Variants in CDK14 observed in about 807,000 individuals in gnomAD.
CDK14 encodes the protein cyclin dependent kinase 14.
A neutral mutation model predicts 60.7 loss-of-function variants in CDK14; 34 were observed. The observed-to-expected ratio is 0.56, with a 90% confidence interval of 0.43 to 0.75. CDK14 has a LOEUF of 0.75. CDK14 is among the 30% of genes least tolerant of loss of function. The pLI is 0.00. For synonymous variants in CDK14, 197 were observed against 203.7 expected, an observed-to-expected ratio of 0.97 and a Z score of 0.28; for missense variants, 482 against 564.1, an observed-to-expected ratio of 0.85 and a Z score of 1.47.
intron 12 of CDK14, among the ~76,000 whole-genome samples, chr7:91,096,619 C>T (rs1799000712): frequency 6.6e-6 from 1 of 152,054 alleles, no homozygotes; most frequent in Non-Finnish European, 1.5e-5. Context: ...TTACAGCTAT[C>T]CTCATGGGTA....
chr7:90,676,120 ACACAAATCCCTGCTTT>A lies in CDK14; in HGVS notation c.124-50441_124-50426del, dbSNP rs1801193326. On this transcript the variant is annotated intron_variant, in intron 2 of 14. Transcript: ENST00000380050. ...GAAAATGCAGTAATGAGCAAATCAG[ACACAAATCCCTGCTTT>A]CACAATCATAGAGGTTGCATTTTAG... Among the ~76,000 whole-genome samples, 3 of 152,256 alleles carry A rather than the reference ACACAAATCCCTGCTTT, an allele frequency of 2.0e-5. No individual in the cohort carries two copies. The South Asian group carries it at 6.2e-4, about 31-fold the overall frequency.
At chr7:91,022,009 AG>A (rs1796444557) in intron 10 of CDK14, among the ~76,000 whole-genome samples, 1 of 152,148 alleles carries the variant, frequency 6.6e-6, no homozygotes, top group Non-Finnish European at 1.5e-5. Flanking sequence ...GCCCACAAAG[AG>A]GGGGCCTGAC....
intron 6 of CDK14, among the ~76,000 whole-genome samples, chr7:90,876,057 T>C (rs1455116687): frequency 1.3e-5 from 2 of 152,206 alleles, no homozygotes; most frequent in Non-Finnish European, 2.9e-5. Flanking sequence ...TTGGGCTCTC[T>C]CTTGAATATT....
rs562567113 is a variant in CDK14, at chr7:90,872,385, G to A, written c.639+9116G>A. Among the ~76,000 whole-genome samples, 4 of 152,312 alleles carry A rather than the reference G, an allele frequency of 2.6e-5. No individual in the cohort carries two copies. The South Asian group carries it at 8.3e-4, about 32-fold the overall frequency. On this transcript the variant is annotated intron_variant, in intron 6 of 14. Coordinates refer to ENST00000380050, the MANE Select transcript of CDK14 (RefSeq NM_001287135.2). ...AACCAAGTACAGAATGCGAACAGAT[G>A]TAAACATTGTGGATGACTGAATGTG... is the stretch of plus-strand genomic sequence containing the variant.
At position 91,112,655 on chromosome 7, in the gene CDK14, C is replaced by T. The variant is rs372790579; in HGVS notation, c.1268C>T (p.Pro423Leu). ...AGCCACGAGTATTTTAGTGACCTGC[C>T]GCCACGGCTATGGGAACTCACCGAC... ...ALSHEYFSDL[P>L]PRLWELTDMS... The change falls in exon 13 of 15, where the codon CCG becomes CTG. Residue 423 changes from proline (P) to leucine (L), a missense_variant. Physicochemically the swap from Pro to Leu is moderately conservative, Grantham distance 98 (BLOSUM62 -3). Coordinates refer to ENST00000380050, the MANE Select transcript of CDK14 (RefSeq NM_001287135.2). 9.3e-6 allele frequency: 15 copies of T among 1,613,498 alleles called. No homozygotes were observed. Among genetic ancestry groups the T allele is most frequent in the South Asian group, 5.5e-5 (5 of 91,060 alleles).
chr7:90,666,035 C>T (rs1168146709), intron 2 of CDK14, among the ~76,000 whole-genome samples: 2 of 152,190 alleles, frequency 1.3e-5, no homozygotes, highest in African/African-American at 4.8e-5. Flanking sequence ...GCAGAGTTCC[C>T]TGCCTAGTCC....
At chr7:90,685,649 A>ATTTTTT (rs66912750) in intron 2 of CDK14, among the ~76,000 whole-genome samples, 6 of 101,680 alleles carry the variant, frequency 5.9e-5, no homozygotes, top group Admixed American at 1.2e-4. Context: ...CAGCCAATTA[A>ATTTTTT]TTTTTTTTTT....
intron 3 of CDK14, among the ~76,000 whole-genome samples, chr7:90,736,354 T>C (rs1214932600): frequency 2.8e-5 from 4 of 145,322 alleles, no homozygotes; most frequent in African/African-American, 1.0e-4. Context: ...GTTTTTGTTT[T>C]TTTTTTTTTT....
intron 3 of CDK14, 138 bp from the exon 4 acceptor site, chr7:90,747,543 G>T: frequency 3.5e-6 from 2 of 576,506 alleles, no homozygotes; most frequent in South Asian, 2.1e-5. Context: ...ATGTTGTTTT[G>T]AAAAATAAAC....
chr7:90,836,589 T>C (rs572370860), intron 5 of CDK14, among the ~76,000 whole-genome samples: 1 of 152,162 alleles, frequency 6.6e-6, no homozygotes, highest in African/African-American at 2.4e-5. Context: ...TTACAGTGAT[T>C]TTTTTTTAAC....
At chr7:90,805,466 G>T (rs1362227396) in intron 5 of CDK14, among the ~76,000 whole-genome samples, 1 of 151,836 alleles carries the variant, frequency 6.6e-6, no homozygotes, top group South Asian at 2.1e-4. Flanking sequence ...CCATATTTGT[G>T]TATACTAGCA....
At chr7:90,797,002 T>C (rs2116988728) in intron 5 of CDK14, among the ~76,000 whole-genome samples, 1 of 151,918 alleles carries the variant, frequency 6.6e-6, no homozygotes, top group Non-Finnish European at 1.5e-5. Flanking sequence ...AACCTACTGA[T>C]TTGTGTATGT....
chr7:90,819,536 T>C (rs1789470914), intron 5 of CDK14, among the ~76,000 whole-genome samples: 1 of 152,124 alleles, frequency 6.6e-6, no homozygotes, highest in Non-Finnish European at 1.5e-5. Flanking sequence ...AATTGTGTTC[T>C]TTTTAATTAC....
In CDK14 at chr7:91,095,112, G is replaced by C. The variant is rs1362071029; in HGVS notation, c.1154+15632G>C. ...TAGCGAGGACAGCAAACAAAAAATA[G>C]ACAGTATAATCTCAAAGAGAGCTAA... On this transcript the variant is annotated intron_variant, in intron 12 of 14. Transcript: ENST00000380050. 9.2e-5 allele frequency among the ~76,000 whole-genome samples: 14 copies of C among 152,168 alleles called. No homozygotes were observed. In the East Asian group the frequency reaches 2.7e-3, roughly 29 times the overall value.
intron 10 of CDK14, among the ~76,000 whole-genome samples, chr7:91,018,431 A>T (rs929602679): frequency 6.6e-6 from 1 of 152,030 alleles, no homozygotes; most frequent in Non-Finnish European, 1.5e-5. Context: ...GTATCTGATG[A>T]GGGCCCTCTT....
At chr7:90,823,695 G>C (rs1379675080) in intron 5 of CDK14, among the ~76,000 whole-genome samples, 1 of 152,190 alleles carries the variant, frequency 6.6e-6, no homozygotes, top group Non-Finnish European at 1.5e-5. Flanking sequence ...TAGGCAGACT[G>C]TTTAACCTTT....
At chr7:90,816,947 G>C (rs1025227199) in intron 5 of CDK14, among the ~76,000 whole-genome samples, 1 of 152,160 alleles carries the variant, frequency 6.6e-6, no homozygotes, top group Non-Finnish European at 1.5e-5. Flanking sequence ...AGTGAAAGTC[G>C]TATGAGTCAT....
At chr7:91,021,031 C>A (rs77207735) in intron 10 of CDK14, among the ~76,000 whole-genome samples, 3 of 152,104 alleles carry the variant, frequency 2.0e-5, no homozygotes, top group African/African-American at 7.2e-5. Flanking sequence ...ACATGATTCC[C>A]TAGAAGGCTT....
intron 5 of CDK14, among the ~76,000 whole-genome samples, chr7:90,794,794 G>A (rs951265202): frequency 3.3e-5 from 5 of 152,176 alleles, no homozygotes; most frequent in Non-Finnish European, 7.3e-5. Flanking sequence ...GTAAAGACAG[G>A]CATAGGAAAT....
Sources: allele counts gnomAD v4.1 joint callset (sites outside exome capture counted in the v4.1 genomes callset), GRCh38; gene constraint gnomAD v4.1.1; transcripts MANE v1.5; gene names NCBI Gene and HGNC (gene_info 2026-07-23, HGNC 2026-07-21).